Variants in ABI3BP observed in about 807,000 individuals in gnomAD.
The protein encoded by ABI3BP is target of Nesh-SH3.
A neutral mutation model predicts 268.6 loss-of-function variants in ABI3BP; 216 were observed. The ratio of observed to expected loss-of-function variants is 0.80; its 90% CI spans 0.72 to 0.90. The LOEUF is 0.90. Among genes scored for constraint, ABI3BP ranks in the 40% least tolerant of loss-of-function variants. The pLI is 0.00. For missense variants in ABI3BP, 2,090 were observed against 2,182.4 expected, an observed-to-expected ratio of 0.96 and a Z score of 0.84; for synonymous variants, 730 against 730.0, an observed-to-expected ratio of 1.00 and a Z score of 0.00.
intron 14 of ABI3BP, among the ~76,000 whole-genome samples, chr3:100,852,929 T>C (rs1191931400): frequency 1.3e-5 from 2 of 152,218 alleles, no homozygotes; most frequent in East Asian, 1.9e-4. Flanking sequence ...ACGAGGGATA[T>C]AGAGAACACA....
chr3:100,841,194 C>CTTTTTTTTTTTTTTTTTTTTTTT (rs60261694), intron 21 of ABI3BP, among the ~76,000 whole-genome samples: 1 of 39,630 alleles, frequency 2.5e-5, no homozygotes, highest in Non-Finnish European at 4.3e-5. Context: ...CATTAGAACA[C>CTTTTTTTTTTTTTTTTTTTTTTT]TTTTTTTTTT....
chr3:100,788,923 T>G (rs2097125035), intron 56 of ABI3BP, among the ~76,000 whole-genome samples: 1 of 152,070 alleles, frequency 6.6e-6, no homozygotes, highest in South Asian at 2.1e-4. Flanking sequence ...TTAACTTTTT[T>G]TCTGAACAAG....
intron 4 of ABI3BP, among the ~76,000 whole-genome samples, chr3:100,889,101 T>C (rs2043288305): frequency 6.6e-6 from 1 of 152,140 alleles, no homozygotes; most frequent in Non-Finnish European, 1.5e-5. Context: ...CAACACATCA[T>C]TGCATAACGC....
intron 51 of ABI3BP, among the ~76,000 whole-genome samples, chr3:100,802,231 C>T (rs769414441): frequency 2.9e-4 from 44 of 152,094 alleles, no homozygotes; most frequent in Non-Finnish European, 5.7e-4. Flanking sequence ...GGAAGAGACA[C>T]GTAGAACATT....
At chr3:100,935,059 A>G (rs2065436014) in intron 1 of ABI3BP, among the ~76,000 whole-genome samples, 1 of 152,108 alleles carries the variant, frequency 6.6e-6, no homozygotes, top group African/African-American at 2.4e-5. Context: ...GGCCATGCCA[A>G]TTTCCTGAAT....
chr3:100,932,717 G>A (rs2064111904), intron 1 of ABI3BP, among the ~76,000 whole-genome samples: 1 of 152,056 alleles, frequency 6.6e-6, no homozygotes, highest in Non-Finnish European at 1.5e-5. Context: ...GCGAGGTTGT[G>A]GAGAAAAGGG....
rs534473886 is a variant in ABI3BP, at chr3:100,750,432, G to A, written c.*63C>T. 129 of 1,269,312 alleles carry A rather than the reference G, an allele frequency of 1.0e-4. 1 individual carries two copies. The South Asian group carries it at 1.2e-3, about 11-fold the overall frequency. The allele number at this position is 1,269,312 out of a possible 1,614,324, so 78.6% of individuals were successfully genotyped here. ...AAACAAAATAGCTTTAAATGAATGC[G>A]GCATAGTATTTTCAATGATTTTTGT... On this transcript the variant is annotated 3_prime_UTR_variant, in exon 68 of 68. Coordinates refer to ENST00000471714, the MANE Select transcript of ABI3BP (RefSeq NM_001375547.2).
chr3:100,842,177 A>ACCT lies in ABI3BP; in HGVS notation c.1724-141_1724-139dup, dbSNP rs2098714403. 1.0e-4 allele frequency: 68 copies of ACCT among 654,930 alleles called. No homozygotes were observed. The South Asian group carries it at 1.3e-3, about 13-fold the overall frequency. The allele number at this position is 654,930 out of a possible 1,614,324, so 40.6% of individuals were successfully genotyped here. On this transcript the variant is annotated intron_variant, in intron 20 of 67. Transcript: ENST00000471714. ...TACTGGCTTCTGCCAGTGAAGTTCA[A>ACCT]CCTTCCACATCCTCTCTACAAACCA...
In ABI3BP at chr3:100,890,397, T is replaced by C. The variant is rs140208491; in HGVS notation, c.462-4074A>G. 4.0e-3 allele frequency among the ~76,000 whole-genome samples: 614 copies of C among 152,194 alleles called. 2 individuals carry two copies. The highest frequency in any genetic ancestry group is 0.014 in the African/African-American group (589 of 41,508). ...TCTCTTCCCCTTCATTCTCTCTTTG[T>C]CCCACTCTGATTTCAAGGGAAAAAG... On this transcript the variant is annotated intron_variant, in intron 4 of 67. Transcript: ENST00000471714.
intron 14 of ABI3BP, among the ~76,000 whole-genome samples, chr3:100,854,719 C>A (rs970490174): frequency 2.0e-5 from 3 of 151,994 alleles, no homozygotes; most frequent in Non-Finnish European, 2.9e-5. Flanking sequence ...TACATGGGAC[C>A]AAAAGTTGTA....
At chr3:100,981,312 T>A (rs1035639353) in intron 1 of ABI3BP, among the ~76,000 whole-genome samples, 1 of 149,566 alleles carries the variant, frequency 6.7e-6, no homozygotes, top group Non-Finnish European at 1.5e-5. Context: ...AGATGAGGAG[T>A]CAGCTGTGAG....
intron 1 of ABI3BP, among the ~76,000 whole-genome samples, chr3:100,975,068 G>A (rs977381482): frequency 1.3e-5 from 2 of 152,130 alleles, no homozygotes; most frequent in Non-Finnish European, 2.9e-5. Context: ...AATTTGATAA[G>A]AGGTTAGTTA....
rs372017207 is a variant in ABI3BP, at chr3:100,850,676, C to T, written c.1410G>A (p.Gln470=). The change falls in exon 16 of 68, where the codon CAG becomes CAA. Residue 470 remains glutamine (Q), a synonymous_variant. Transcript: ENST00000471714. ...AAACATTACCCAGTGTTGCCCTTGG[C>T]TGTTCAAGAGTTCTAGAAGTTTTAG... is the stretch of plus-strand genomic sequence containing the variant. The part of the protein sequence containing the change: ...IPPKTSRTLE[Q]PRATLAPSET... 6.2e-7 allele frequency: 1 copy of T among 1,612,100 alleles called. No homozygotes were observed. The highest frequency in any genetic ancestry group is 1.1e-5 in the South Asian group (1 of 90,978).
chr3:100,922,553 T>TGATGGTGATGGTGATGGTGATGGC (rs1554130231), intron 2 of ABI3BP, among the ~76,000 whole-genome samples: 3 of 146,184 alleles, frequency 2.1e-5, no homozygotes, highest in African/African-American at 7.9e-5. Context: ...ATGGTGATGG[T>TGATGGTGATGGTGATGGTGATGGC]GATGGCGATG....
At position 100,821,041 on chromosome 3, in the gene ABI3BP, A is replaced by G; in HGVS notation, c.2947+13T>C. The G allele has an allele frequency of 6.5e-7, 1 of 1,533,780 alleles. No homozygotes were observed. The highest frequency in any genetic ancestry group is 8.7e-7 in the Non-Finnish European group (1 of 1,144,830). On this transcript the variant is annotated intron_variant, in intron 39 of 67. Coordinates refer to ENST00000471714, the MANE Select transcript of ABI3BP (RefSeq NM_001375547.2). ...AGGAAGAACACTTAATGAGGATTGC[A>G]ACGTGCTATTACCTTGTGTTGTCAC...
intron 1 of ABI3BP, among the ~76,000 whole-genome samples, chr3:100,960,869 C>G (rs2078853839): frequency 6.6e-6 from 1 of 152,172 alleles, no homozygotes; most frequent in South Asian, 2.1e-4. Flanking sequence ...GATTCTCACC[C>G]TCTGGCCCTC....
At chr3:100,992,706 C>A (rs2154002489) in intron 1 of ABI3BP, among the ~76,000 whole-genome samples, 2 of 152,200 alleles carry the variant, frequency 1.3e-5, no homozygotes, top group Middle Eastern at 3.4e-3. Flanking sequence ...AACAAAATAC[C>A]AACACTAAAA....
At chr3:100,842,324 C>G (rs145726567) in intron 20 of ABI3BP, among the ~76,000 whole-genome samples, 96 of 152,312 alleles carry the variant, frequency 6.3e-4, no homozygotes, top group African/African-American at 2.2e-3. Context: ...GGTAGCCTCT[C>G]TGAGGTTGTT....
chr3:100,904,544 T>C (rs1432403342), intron 2 of ABI3BP, among the ~76,000 whole-genome samples: 1 of 152,156 alleles, frequency 6.6e-6, no homozygotes. Context: ...ATGTCACATT[T>C]ACCATTCAAT....
Sources: allele counts gnomAD v4.1 joint callset (sites outside exome capture counted in the v4.1 genomes callset), GRCh38; gene constraint gnomAD v4.1.1; transcripts MANE v1.5; gene names NCBI Gene and HGNC (gene_info 2026-07-23, HGNC 2026-07-21).